Variants in FKBP6 observed in about 807,000 individuals in gnomAD.
FKBP6 encodes inactive peptidyl-prolyl cis-trans isomerase FKBP6.
A neutral mutation model predicts 41.7 loss-of-function variants in FKBP6; 29 were observed. The observed-to-expected ratio is 0.70, with a 90% CI of 0.52 to 0.95. FKBP6 has a LOEUF of 0.95. FKBP6 is among the 40% of genes least tolerant of loss of function. The pLI, the probability that FKBP6 is intolerant of heterozygous loss-of-function variation, is 0.00. For synonymous variants in FKBP6, 130 were observed against 165.1 expected, an observed-to-expected ratio of 0.79 and a Z score of 1.63; for missense variants, 338 against 408.7, an observed-to-expected ratio of 0.83 and a Z score of 1.49.
At chr7:73,345,222 GAAAAAAAA>G (rs1156457847) in intron 8 of FKBP6, among the ~76,000 whole-genome samples, 3 of 66,652 alleles carry the variant, frequency 4.5e-5, no homozygotes, top group Non-Finnish European at 9.2e-5. Context: ...GCATCAGCCA[GAAAAAAAA>G]AAAAAAAAAA....
intron 8 of FKBP6, among the ~76,000 whole-genome samples, chr7:73,346,695 G>T (rs922253067): frequency 1.3e-5 from 2 of 152,188 alleles, no homozygotes; most frequent in African/African-American, 4.8e-5. Flanking sequence ...TGAGTAAGAG[G>T]TGATGGCAGC....
intron 5 of FKBP6, among the ~76,000 whole-genome samples, chr7:73,332,547 C>CG (rs1239761773): frequency 4.0e-5 from 6 of 150,678 alleles, no homozygotes; most frequent in African/African-American, 1.2e-4. Flanking sequence ...AGGGGACTAA[C>CG]GGGGGGATAA....
At chr7:73,333,418 T>C (rs1333745055) in intron 5 of FKBP6, among the ~76,000 whole-genome samples, 2 of 152,230 alleles carry the variant, frequency 1.3e-5, no homozygotes, top group East Asian at 1.9e-4. Flanking sequence ...ATCAGTGTAC[T>C]AATTAAAAAA....
rs1804791048 is a variant in FKBP6, at chr7:73,330,175, G to C, written c.291G>C (p.Leu97=). ...GEDITLWGME[L]GLLSMRRGEL... is the part of the protein sequence containing the mutation. ...ATATTACACTGTGGGGCATGGAGCT[G>C]GGCCTTCTGAGCATGCGGAGAGGAG... The change falls in exon 4 of 9, where the codon CTG becomes CTC. Residue 97 remains leucine (L), a synonymous_variant. Transcript: ENST00000252037. The C allele has an allele frequency of 1.2e-6, 2 of 1,613,718 alleles. No individual in the cohort carries two copies. Among genetic ancestry groups the C allele is most frequent in the Non-Finnish European group, 1.7e-6 (2 of 1,179,762 alleles).
chr7:73,339,406 A>G (rs530875236), intron 5 of FKBP6, among the ~76,000 whole-genome samples: 74 of 152,106 alleles, frequency 4.9e-4, no homozygotes, highest in African/African-American at 1.7e-3. Context: ...CTATTTCTGG[A>G]CTCTGTGTTC....
intron 8 of FKBP6, among the ~76,000 whole-genome samples, chr7:73,345,415 C>T (rs1805307851): frequency 6.6e-6 from 1 of 152,010 alleles, no homozygotes; most frequent in Non-Finnish European, 1.5e-5. Context: ...AACCTCCTCC[C>T]TAATGGAGTG....
intron 5 of FKBP6, among the ~76,000 whole-genome samples, chr7:73,333,076 A>G (rs568653484): frequency 1.2e-4 from 19 of 152,310 alleles, no homozygotes; most frequent in African/African-American, 4.3e-4. Context: ...GTTTGAGACC[A>G]GCCTGGGCAA....
In FKBP6 at chr7:73,328,264, A is replaced by G; in HGVS notation, c.-165A>G. 3 of 1,549,134 alleles carry G rather than the reference A, an allele frequency of 1.9e-6. No homozygotes were observed. The highest frequency in any genetic ancestry group is 1.2e-5 in the South Asian group (1 of 83,964). ...GGCCAGGGCCGTTGGCGGCGGTTGGAACGAAACGATGAGTGCCTCCTCGTG... is the reference window on the plus strand; with the variant it reads ...GGCCAGGGCCGTTGGCGGCGGTTGGGACGAAACGATGAGTGCCTCCTCGTG... On this transcript the variant is annotated 5_prime_UTR_variant, in exon 1 of 9. Transcript: ENST00000252037.
intron 7 of FKBP6, 34 bp downstream of exon 7, chr7:73,341,416 G>A: frequency 1.6e-6 from 2 of 1,286,790 alleles, no homozygotes; most frequent in Non-Finnish European, 2.3e-6. Flanking sequence ...GAAGAGAGAT[G>A]GGTGGGGTTG....
At position 73,328,178 on chromosome 7, in the gene FKBP6, C is replaced by G. The variant is rs4717749; in HGVS notation, c.-251C>G. ...CGTGTCCCATCATGTTTCGTGCGCT[C>G]CCATTACGGATCATACCTCGCACCT... On this transcript the variant is annotated 5_prime_UTR_variant, in exon 1 of 9. Coordinates refer to ENST00000252037, the MANE Select transcript of FKBP6 (RefSeq NM_003602.5). 6.5e-7 allele frequency: 1 copy of G among 1,542,044 alleles called. No homozygotes were observed.
chr7:73,339,872 C>T (rs1212251823), intron 5 of FKBP6, among the ~76,000 whole-genome samples: 3 of 152,132 alleles, frequency 2.0e-5, no homozygotes, highest in African/African-American at 7.2e-5. Flanking sequence ...CTCAGCCTCC[C>T]AAAGTGCTGG....
chr7:73,329,723 C>T (rs1804774564), intron 3 of FKBP6: 1 of 562,866 alleles, frequency 1.8e-6, no homozygotes, highest in Non-Finnish European at 3.2e-6. Flanking sequence ...CGAATACTTA[C>T]TTCCCACAAT....
intron 5 of FKBP6, among the ~76,000 whole-genome samples, chr7:73,332,620 C>T (rs1324740635): frequency 6.6e-6 from 1 of 152,170 alleles, no homozygotes; most frequent in Admixed American, 6.5e-5. Context: ...GATTGGGAGG[C>T]ACCTGGGAAT....
chr7:73,338,639 T>A (rs1805080729), intron 5 of FKBP6, among the ~76,000 whole-genome samples: 1 of 152,214 alleles, frequency 6.6e-6, no homozygotes, highest in East Asian at 1.9e-4. Flanking sequence ...CACCAACACT[T>A]ATTTTATATT....
chr7:73,349,712 CA>C (rs1213747722), intron 8 of FKBP6, among the ~76,000 whole-genome samples: 918 of 27,862 alleles, frequency 0.033, 2 homozygotes, highest in African/African-American at 0.09. Flanking sequence ...GACTCCGTCT[CA>C]AAAAAAAAAA....
chr7:73,354,613 C>A (rs782436263), intron 8 of FKBP6, among the ~76,000 whole-genome samples: 1 of 152,196 alleles, frequency 6.6e-6, no homozygotes, highest in Admixed American at 6.5e-5. Flanking sequence ...AGATTAGGTT[C>A]TTAAGATTGG....
Position 73,330,203 on chromosome 7 carries a change from C to T in FKBP6, c.319C>T (p.Leu107=), listed in dbSNP as rs1169654214. ...LGLLSMRRGE[L]ARFLFKPNYA... is the part of the protein sequence containing the mutation. ...CCTTCTGAGCATGCGGAGAGGAGAG[C>T]TGGCCAGGTTTCTGTTCAAACCGAA... The change falls in exon 4 of 9, where the codon CTG becomes TTG. Residue 107 remains leucine (L), a synonymous_variant. Coordinates refer to ENST00000252037, the MANE Select transcript of FKBP6 (RefSeq NM_003602.5). 4.3e-6 allele frequency: 7 copies of T among 1,613,980 alleles called. No homozygotes were observed. The highest frequency in any genetic ancestry group is 1.7e-5 in the Admixed American group (1 of 60,006).
At chr7:73,357,557 G>GC (rs35155266) in intron 8 of FKBP6, among the ~76,000 whole-genome samples, 18,938 of 151,926 alleles carry the variant, frequency 0.12, 1,303 homozygotes, top group Middle Eastern at 0.18. Context: ...AATGCGCCTG[G>GC]CACCACCTCA....
chr7:73,338,325 C>T (rs537066424), intron 5 of FKBP6, among the ~76,000 whole-genome samples: 122 of 152,342 alleles, frequency 8.0e-4, no homozygotes, highest in Non-Finnish European at 1.3e-3. Context: ...CGCACCCGGA[C>T]CCTCGTTCTT....
Sources: allele counts gnomAD v4.1 joint callset (sites outside exome capture counted in the v4.1 genomes callset), GRCh38; gene constraint gnomAD v4.1.1; transcripts MANE v1.5; gene names NCBI Gene and HGNC (gene_info 2026-07-23, HGNC 2026-07-21).